HMCN1: variants seen among roughly 807,000 people sequenced by gnomAD.
The protein encoded by HMCN1 is hemicentin-1.
Under a neutral mutation model 625.9 loss-of-function variants are expected in HMCN1, and 321 were observed. The ratio of observed to expected loss-of-function variants is 0.51; its 90% CI spans 0.47 to 0.56. The LOEUF is 0.56. Among genes scored for constraint, HMCN1 ranks in the 20% least tolerant of loss-of-function variants. The probability of loss-of-function intolerance (pLI) is 0.00; values close to 1 mark genes in which losing one functional copy is unlikely to be tolerated. For synonymous variants in HMCN1, 2,425 were observed against 2,417.6 expected, an observed-to-expected ratio of 1.00 and a Z score of -0.09; for missense variants, 6,588 against 6,887.3, an observed-to-expected ratio of 0.96 and a Z score of 1.54.
chr1:185,878,890 A>G (rs1299840022), intron 4 of HMCN1, among the ~76,000 whole-genome samples: 2 of 152,140 alleles, frequency 1.3e-5, no homozygotes, highest in African/African-American at 4.8e-5. Context: ...CCATCATCCT[A>G]TGTTCAGACT....
chr1:186,167,911 G>C (rs984544809), intron 100 of HMCN1, among the ~76,000 whole-genome samples: 16 of 151,936 alleles, frequency 1.1e-4, no homozygotes, highest in African/African-American at 3.4e-4. Flanking sequence ...TCCAAGTTTA[G>C]GCAAATATAA....
chr1:186,072,593 G>T (rs1658543361), intron 52 of HMCN1, among the ~76,000 whole-genome samples: 1 of 152,184 alleles, frequency 6.6e-6, no homozygotes, highest in East Asian at 1.9e-4. Flanking sequence ...ATGAGAGAAG[G>T]AAACCAAGGG....
At chr1:186,159,724 A>T (rs2102599329) in intron 97 of HMCN1, among the ~76,000 whole-genome samples, 1 of 152,296 alleles carries the variant, frequency 6.6e-6, no homozygotes, top group African/African-American at 2.4e-5. Context: ...GATTACATTT[A>T]TTGATTTGCG....
intron 93 of HMCN1, among the ~76,000 whole-genome samples, chr1:186,146,921 T>TG (rs1650350795): frequency 6.6e-6 from 1 of 152,200 alleles, no homozygotes; most frequent in Non-Finnish European, 1.5e-5. Flanking sequence ...TTTTGAGCAC[T>TG]GGGACTCAAG....
chr1:186,123,310 A>G (rs1661486505), intron 81 of HMCN1, 90 bp downstream of exon 81: 5 of 1,465,546 alleles, frequency 3.4e-6, no homozygotes, highest in Non-Finnish European at 4.7e-6. Flanking sequence ...GGAAGTCAAA[A>G]ACCCTTAAAC....
Position 186,166,929 on chromosome 1 carries a change from G to A in HMCN1, c.15561G>A (p.Gly5187=). ...CGSGFRRTSD[G]LSCQDINECQ... is the part of the protein sequence containing the mutation. ...GTGGCTTTCGAAGAACCTCTGATGG[G>A]CTGAGTTGTCAAGGTATAAAAATGG... Residue 5187 remains glycine (G), a synonymous_variant, in exon 100 of 107, where the codon GGG becomes GGA. Coordinates refer to ENST00000271588, the MANE Select transcript of HMCN1 (RefSeq NM_031935.3). The A allele has an allele frequency of 6.2e-7, 1 of 1,614,096 alleles. No homozygotes were observed.
chr1:185,766,609 A>T (rs1487539747), intron 1 of HMCN1, among the ~76,000 whole-genome samples: 1 of 152,060 alleles, frequency 6.6e-6, no homozygotes, highest in African/African-American at 2.4e-5. Context: ...GTTCTCAAGG[A>T]CTCATTGCTT....
chr1:186,153,146 C>A (rs1356902821), intron 96 of HMCN1, among the ~76,000 whole-genome samples: 1 of 152,142 alleles, frequency 6.6e-6, no homozygotes, highest in African/African-American at 2.4e-5. Flanking sequence ...GATAGTAATT[C>A]TTGCATAAAC....
At chr1:186,031,726 A>G (rs192808355) in intron 36 of HMCN1, among the ~76,000 whole-genome samples, 105 of 152,086 alleles carry the variant, frequency 6.9e-4, no homozygotes, top group Admixed American at 1.2e-3. Context: ...TGGATTATCA[A>G]TTGACCAATC....
chr1:186,175,630 A>C (rs1652513880), intron 103 of HMCN1, among the ~76,000 whole-genome samples: 1 of 152,196 alleles, frequency 6.6e-6, no homozygotes, highest in South Asian at 2.1e-4. Context: ...AGAATGAAAT[A>C]GTTGTATTTA....
intron 100 of HMCN1, among the ~76,000 whole-genome samples, chr1:186,170,040 A>G (rs1270971710): frequency 6.6e-6 from 1 of 152,226 alleles, no homozygotes; most frequent in Non-Finnish European, 1.5e-5. Flanking sequence ...AAAAGAAGAC[A>G]TTTATGCAGC....
intron 57 of HMCN1, among the ~76,000 whole-genome samples, chr1:186,083,444 C>G (rs1659291918): frequency 7.0e-6 from 1 of 142,612 alleles, no homozygotes; most frequent in South Asian, 2.2e-4. Context: ...ACACCTAATT[C>G]ATTCATCAAA....
At chr1:186,031,296 T>A (rs1484836639) in intron 36 of HMCN1, among the ~76,000 whole-genome samples, 1 of 152,112 alleles carries the variant, frequency 6.6e-6, no homozygotes, top group Admixed American at 6.6e-5. Flanking sequence ...TATGAAATTC[T>A]TGGTTAGTAG....
At chr1:186,159,092 C>T (rs1474395277) in intron 97 of HMCN1, among the ~76,000 whole-genome samples, 1 of 151,822 alleles carries the variant, frequency 6.6e-6, no homozygotes, top group Non-Finnish European at 1.5e-5. Flanking sequence ...TTGTTTGTAT[C>T]CTCTTTTATT....
chr1:186,132,488 CTA>C (rs1176591633), intron 86 of HMCN1, 79 bp downstream of exon 86: 3 of 1,149,270 alleles, frequency 2.6e-6, no homozygotes, highest in Non-Finnish European at 3.8e-6. Context: ...TTCTTTAACT[CTA>C]TAGCAAGTTC....
intron 1 of HMCN1, among the ~76,000 whole-genome samples, chr1:185,805,303 C>T (rs965988879): frequency 2.0e-5 from 3 of 152,010 alleles, no homozygotes; most frequent in Non-Finnish European, 4.4e-5. Flanking sequence ...GTACTCCAAC[C>T]CCCAGATATG....
intron 1 of HMCN1, among the ~76,000 whole-genome samples, chr1:185,815,907 T>C (rs1015389794): frequency 1.3e-5 from 2 of 150,182 alleles, no homozygotes; most frequent in African/African-American, 5.1e-5. Flanking sequence ...TACTTGATAA[T>C]GCTGTTTCTC....
At chr1:185,796,225 T>C (rs111717166) in intron 1 of HMCN1, among the ~76,000 whole-genome samples, 7,617 of 152,236 alleles carry the variant, frequency 0.05, 591 homozygotes, top group African/African-American at 0.17. Context: ...GTCCCTTCCA[T>C]GCACAGTTCA....
chr1:185,916,187 G>T (rs1666691422), intron 6 of HMCN1, among the ~76,000 whole-genome samples: 1 of 152,102 alleles, frequency 6.6e-6, no homozygotes, highest in African/African-American at 2.4e-5. Flanking sequence ...TAGCTTCTAT[G>T]ATTGTGTCTT....
Sources: gnomAD v4.1 joint callset for allele counts (sites outside exome capture counted in the v4.1 genomes callset) on GRCh38, gnomAD v4.1.1 for gene constraint, MANE v1.5 for transcripts, NCBI Gene and HGNC (gene_info 2026-07-23, HGNC 2026-07-21) for gene names.